The following DCTN2 variants were observed in gnomAD, a reference collection of about 807,000 sequenced individuals.
DCTN2 encodes 50 kDa dynein-associated polypeptide.
DCTN2 carries 18 observed loss-of-function variants against 55.4 expected under a neutral mutation model. That is an observed-to-expected ratio of 0.32 (90% CI 0.22 to 0.48). DCTN2 has a LOEUF of 0.48. Ranked by LOEUF, DCTN2 falls within the 20% of genes least tolerant of loss-of-function variation. DCTN2 has a pLI of 0.99. For missense variants in DCTN2, 390 were observed against 491.0 expected (o/e 0.79, Z 1.94); for synonymous variants, 168 against 185.2 (o/e 0.91, Z 0.76).
At position 57,535,829 on chromosome 12, in the gene DCTN2, G is replaced by A; in HGVS notation, c.122C>T (p.Thr41Ile). Residue 41 changes from threonine (T) to isoleucine (I), a missense_variant, in exon 3 of 14, where the codon ACA (threonine) becomes ATA (isoleucine). Around this residue, in one of 2 missense-constraint regions of DCTN2, gnomAD observed 117 missense variants for 187.8 expected, o/e 0.62. Coordinates refer to ENST00000548249, the MANE Select transcript of DCTN2 (RefSeq NM_001261413.2). The stretch of plus-strand genomic sequence containing the variant: ...ATTGACAATGATGTGTTCCACACTT[G>A]TGCTTGTCAGCTCCTCCTGCAAGAA... ...AEFDAEELTS[T>I]SVEHIIVNPN... is the part of the protein sequence containing the mutation. The A allele has an allele frequency of 6.2e-7, 1 of 1,613,406 alleles. No individual in the cohort carries two copies. Among genetic ancestry groups the A allele is most frequent in the Non-Finnish European group, 8.5e-7 (1 of 1,179,648 alleles).
At chr12:57,538,254 T>C in intron 2 of DCTN2, 1 of 570,254 alleles carries the variant, frequency 1.8e-6, no homozygotes, top group Non-Finnish European at 3.3e-6. Flanking sequence ...TTGGGCTACC[T>C]GGCGCTGGCA....
intron 2 of DCTN2, chr12:57,543,258 A>C (rs1005575943): frequency 2.6e-5 from 9 of 343,100 alleles, no homozygotes; most frequent in African/African-American, 1.9e-4. Context: ...CTAAGGCAGG[A>C]GAATGGCGTG....
intron 2 of DCTN2, among the ~76,000 whole-genome samples, chr12:57,544,697 T>G (rs1881001891): frequency 6.6e-6 from 1 of 152,188 alleles, no homozygotes; most frequent in Admixed American, 6.5e-5. Context: ...TGGGCCTATT[T>G]TTTATTTTTA....
At chr12:57,535,186 T>C in intron 4 of DCTN2, 32 bp from the exon 5 acceptor site, 1 of 1,555,238 alleles carries the variant, frequency 6.4e-7, no homozygotes, top group Non-Finnish European at 8.8e-7. Context: ...TAATGTTATA[T>C]GTCTCATTAC....
intron 13 of DCTN2, among the ~76,000 whole-genome samples, chr12:57,531,445 A>G (rs142468486): frequency 6.6e-6 from 1 of 152,174 alleles, no homozygotes; most frequent in Non-Finnish European, 1.5e-5. Context: ...TGAGCCCGGG[A>G]GGTGGAGGCT....
At chr12:57,534,552 TG>T (rs1344010910) in intron 5 of DCTN2, 100 bp from the exon 6 acceptor site, 3 of 1,320,944 alleles carry the variant, frequency 2.3e-6, no homozygotes, top group Non-Finnish European at 3.1e-6. Context: ...TGGAGGTCAC[TG>T]GGATGGTTTT....
At chr12:57,535,891 C>A in intron 2 of DCTN2, 46 bp from the exon 3 acceptor site, 1 of 1,438,334 alleles carries the variant, frequency 7.0e-7, no homozygotes, top group Non-Finnish European at 9.7e-7. Flanking sequence ...CATTCCCACT[C>A]TAGAACTTAC....
At chr12:57,537,308 T>C (rs1880316303) in intron 2 of DCTN2, among the ~76,000 whole-genome samples, 1 of 136,960 alleles carries the variant, frequency 7.3e-6, no homozygotes, top group African/African-American at 2.8e-5. Context: ...CACTCCAGCC[T>C]GGGCAACAGA....
chr12:57,535,563 T>C lies in DCTN2; in HGVS notation c.203-18A>G. ...TGAGAAATCTGCCAAGAAAAGAAGATGGAACTGAGGGCCTGATCTAGGCCC... is the reference window on the plus strand; with the variant it reads ...TGAGAAATCTGCCAAGAAAAGAAGACGGAACTGAGGGCCTGATCTAGGCCC... On this transcript the variant is annotated intron_variant, in intron 3 of 13. Coordinates refer to ENST00000548249, the MANE Select transcript of DCTN2 (RefSeq NM_001261413.2). The C allele has an allele frequency of 1.2e-6, 2 of 1,613,946 alleles. No individual in the cohort carries two copies. Among genetic ancestry groups the C allele is most frequent in the African/African-American group, 2.7e-5 (2 of 75,048 alleles).
intron 2 of DCTN2, chr12:57,538,424 T>C (rs1880422091): frequency 1.4e-6 from 1 of 713,504 alleles, no homozygotes; most frequent in Non-Finnish European, 2.6e-6. Flanking sequence ...ACTGAATAGA[T>C]GAATGAAAGA....
At chr12:57,543,114 C>T (rs1172055104) in intron 2 of DCTN2, 2 of 436,852 alleles carry the variant, frequency 4.6e-6, no homozygotes, top group East Asian at 7.0e-5. Flanking sequence ...CTTTGGGAGG[C>T]CAAGACAGGC....
intron 2 of DCTN2, among the ~76,000 whole-genome samples, chr12:57,536,747 C>T (rs975785956): frequency 6.6e-6 from 1 of 152,088 alleles, no homozygotes; most frequent in Non-Finnish European, 1.5e-5. Flanking sequence ...ACATGCTGTT[C>T]AGATTCCAGT....
At chr12:57,532,493 AGT>A in intron 11 of DCTN2, 77 bp downstream of exon 11, 5 of 1,486,436 alleles carry the variant, frequency 3.4e-6, no homozygotes, top group Non-Finnish European at 4.7e-6. Context: ...CTGAGGAGTC[AGT>A]GTGTTCTCAT....
intron 2 of DCTN2, among the ~76,000 whole-genome samples, chr12:57,542,073 G>C (rs1303985111): frequency 6.6e-6 from 1 of 152,138 alleles, no homozygotes; most frequent in Non-Finnish European, 1.5e-5. Context: ...TCAGGGGTTT[G>C]AGACCAGCCT....
Position 57,545,295 on chromosome 12 carries a change from AT to A in DCTN2, c.105+732del, listed in dbSNP as rs551698601. ...TACTATGTTGATTTCCATTCACTCA[AT>A]TTTTTTTTCCTTCTATATGTTTCCT... is the stretch of plus-strand genomic sequence containing the variant. On this transcript the variant is annotated intron_variant, in intron 2 of 13. Coordinates refer to ENST00000548249, the MANE Select transcript of DCTN2 (RefSeq NM_001261413.2). Among the ~76,000 whole-genome samples the A allele has an allele frequency of 9.9e-5, 15 of 151,244 alleles. 1 individual carries two copies. The highest frequency in any genetic ancestry group is 6.3e-4 in the South Asian group (3 of 4,784).
chr12:57,543,442 C>T (rs1162649923), intron 2 of DCTN2, among the ~76,000 whole-genome samples: 1 of 151,874 alleles, frequency 6.6e-6, no homozygotes. Context: ...AGGTCTTGGG[C>T]AGGTAGGCAG....
intron 7 of DCTN2, 115 bp downstream of exon 7, chr12:57,533,838 G>A: frequency 9.6e-7 from 1 of 1,044,140 alleles, no homozygotes; most frequent in Non-Finnish European, 1.4e-6. Flanking sequence ...AATCAATCAA[G>A]AGGAATCAGA....
chr12:57,541,294 G>A, intron 2 of DCTN2: 2 of 1,570,314 alleles, frequency 1.3e-6, no homozygotes, highest in East Asian at 2.2e-5. Context: ...CAATAGCACA[G>A]TGGCAGAGCA....
Position 57,534,435 on chromosome 12 carries a change from T to C in DCTN2, c.381A>G (p.Ser127=), listed in dbSNP as rs1194249747. ...CAGGGGTCAGCTTCTCCTCTGTGGC[T>C]GACTCCTTCACTGTCGTCTAGTATG... The part of the protein sequence containing the change: ...VEKIKTTVKE[S]ATEEKLTPVL... The change falls in exon 6 of 14, where the codon TCA becomes TCG. Residue 127 remains serine, a synonymous_variant. Coordinates refer to ENST00000548249, the MANE Select transcript of DCTN2 (RefSeq NM_001261413.2). 1.2e-6 allele frequency: 2 copies of C among 1,603,684 alleles called. No individual in the cohort carries two copies. Among genetic ancestry groups the C allele is most frequent in the East Asian group, 4.5e-5 (2 of 44,456 alleles).
Sources: allele counts gnomAD v4.1 joint callset (sites outside exome capture counted in the v4.1 genomes callset), GRCh38; gene constraint gnomAD v4.1.1; regional missense constraint gnomAD v4.1.1; transcripts MANE v1.5; gene names NCBI Gene and HGNC (gene_info 2026-07-23, HGNC 2026-07-21).